Variants in CTNNBL1 observed in about 807,000 individuals in gnomAD.
CTNNBL1 encodes catenin beta like 1.
A neutral mutation model predicts 72.7 loss-of-function variants in CTNNBL1; 31 were observed. The ratio of observed to expected loss-of-function variants is 0.43; its 90% CI spans 0.32 to 0.58. CTNNBL1 has a LOEUF of 0.58. Among genes scored for constraint, CTNNBL1 ranks in the 20% least tolerant of loss-of-function variants. CTNNBL1 has a pLI of 0.08. For synonymous variants in CTNNBL1, 240 were observed against 267.3 expected, an observed-to-expected ratio of 0.90 and a Z score of 1.00; for missense variants, 534 against 725.1, an observed-to-expected ratio of 0.74 and a Z score of 3.03.
chr20:37,697,300 C>G (rs933180245), intron 1 of CTNNBL1, among the ~76,000 whole-genome samples: 1 of 152,134 alleles, frequency 6.6e-6, no homozygotes, highest in African/African-American at 2.4e-5. Flanking sequence ...GGGACAGGAC[C>G]TTTTACTTTA....
chr20:37,851,112 A>G (rs1334323329), intron 13 of CTNNBL1, among the ~76,000 whole-genome samples: 1 of 152,230 alleles, frequency 6.6e-6, no homozygotes, highest in African/African-American at 2.4e-5. Context: ...CCCTGCGGAA[A>G]TGGCACCTTG....
At chr20:37,867,997 C>T (rs755427203) in intron 15 of CTNNBL1, among the ~76,000 whole-genome samples, 2 of 152,122 alleles carry the variant, frequency 1.3e-5, no homozygotes, top group Non-Finnish European at 2.9e-5. Flanking sequence ...GCTCCGTGGC[C>T]GGCTCACTGT....
intron 1 of CTNNBL1, among the ~76,000 whole-genome samples, chr20:37,696,860 A>T (rs953877148): frequency 2.3e-4 from 35 of 152,144 alleles, no homozygotes; most frequent in African/African-American, 5.8e-4. Context: ...GTTGCTTTTT[A>T]AAAAACTTTT....
chr20:37,772,439 C>T (rs923318600), intron 7 of CTNNBL1, among the ~76,000 whole-genome samples: 9 of 152,206 alleles, frequency 5.9e-5, no homozygotes, highest in African/African-American at 1.9e-4. Context: ...AGCTCCGTCT[C>T]CTGGGTTCAC....
At chr20:37,828,113 T>A (rs2072176076) in intron 11 of CTNNBL1, among the ~76,000 whole-genome samples, 1 of 152,180 alleles carries the variant, frequency 6.6e-6, no homozygotes, top group Non-Finnish European at 1.5e-5. Context: ...ACCACGGTGG[T>A]TTGTTATGAT....
Position 37,853,750 on chromosome 20 carries a change from T to A in CTNNBL1, c.1393-6149T>A, listed in dbSNP as rs141546031. Among the ~76,000 whole-genome samples the A allele has an allele frequency of 2.6e-5, 4 of 152,360 alleles. No individual in the cohort carries two copies. In the East Asian group the frequency reaches 7.7e-4, roughly 29 times the overall value. ...TAGAGGACTGCCCACACTTTCTCAC[T>A]TTCTTGTTTTCCATAATCATTCTGC... On this transcript the variant is annotated intron_variant, in intron 13 of 15. Coordinates refer to ENST00000361383, the MANE Select transcript of CTNNBL1 (RefSeq NM_030877.5).
chr20:37,808,058 C>T (rs1384316446), intron 11 of CTNNBL1, among the ~76,000 whole-genome samples: 2 of 152,158 alleles, frequency 1.3e-5, no homozygotes, highest in Non-Finnish European at 2.9e-5. Context: ...TAACACAGTT[C>T]CCCTGGAGGC....
intron 11 of CTNNBL1, among the ~76,000 whole-genome samples, chr20:37,822,254 GAGA>G (rs1168871234): frequency 1.3e-5 from 2 of 152,190 alleles, no homozygotes; most frequent in African/African-American, 4.8e-5. Flanking sequence ...TCCCTGAACA[GAGA>G]AGATGACATG....
At chr20:37,823,471 T>TC (rs1229833186) in intron 11 of CTNNBL1, among the ~76,000 whole-genome samples, 2 of 152,164 alleles carry the variant, frequency 1.3e-5, no homozygotes, top group Non-Finnish European at 2.9e-5. Flanking sequence ...TGTGTGGAGC[T>TC]CAACAGTTGG....
chr20:37,859,129 C>T (rs1480249905), intron 13 of CTNNBL1, among the ~76,000 whole-genome samples: 1 of 152,134 alleles, frequency 6.6e-6, no homozygotes. Flanking sequence ...AATCCTAGCA[C>T]TTTGGGAGGC....
At chr20:37,713,063 TTA>T (rs1346669167) in intron 1 of CTNNBL1, among the ~76,000 whole-genome samples, 1 of 152,252 alleles carries the variant, frequency 6.6e-6, no homozygotes, top group Non-Finnish European at 1.5e-5. Context: ...CTGGGGATCC[TTA>T]CACCTCACTC....
At chr20:37,787,013 A>G (rs6067609) in intron 10 of CTNNBL1, among the ~76,000 whole-genome samples, 3 of 152,278 alleles carry the variant, frequency 2.0e-5, no homozygotes, top group Admixed American at 2.0e-4. Context: ...TCAACTTTGT[A>G]AACATATTCC....
At chr20:37,772,250 A>G (rs1472099313) in intron 7 of CTNNBL1, among the ~76,000 whole-genome samples, 2 of 152,208 alleles carry the variant, frequency 1.3e-5, no homozygotes, top group African/African-American at 4.8e-5. Flanking sequence ...GAGCATCAGC[A>G]TCACCTAGTG....
At chr20:37,712,978 T>C (rs1480736334) in intron 1 of CTNNBL1, among the ~76,000 whole-genome samples, 1 of 152,200 alleles carries the variant, frequency 6.6e-6, no homozygotes, top group Non-Finnish European at 1.5e-5. Context: ...GCAGTTTTTA[T>C]AAGATTTTAG....
intron 11 of CTNNBL1, among the ~76,000 whole-genome samples, chr20:37,819,032 T>G (rs962246451): frequency 6.6e-6 from 1 of 152,212 alleles, no homozygotes; most frequent in Non-Finnish European, 1.5e-5. Flanking sequence ...ATTTCATCTT[T>G]GCGTCATTTC....
intron 7 of CTNNBL1, among the ~76,000 whole-genome samples, chr20:37,772,567 A>T (rs113959874): frequency 6.6e-6 from 1 of 152,006 alleles, no homozygotes; most frequent in African/African-American, 2.4e-5. Context: ...CCAGGATGGT[A>T]TCGATCTCCT....
intron 3 of CTNNBL1, among the ~76,000 whole-genome samples, chr20:37,740,483 A>G (rs1010789071): frequency 5.3e-5 from 8 of 152,156 alleles, no homozygotes; most frequent in East Asian, 1.9e-4. Context: ...GCACCCTCCA[A>G]TTTGCACTGC....
chr20:37,699,709 C>T (rs2072823862), intron 1 of CTNNBL1, among the ~76,000 whole-genome samples: 1 of 152,196 alleles, frequency 6.6e-6, no homozygotes, highest in Admixed American at 6.5e-5. Context: ...ATCCCCATCC[C>T]TAGAGTTTGA....
chr20:37,725,770 G>A (rs2073079405), intron 1 of CTNNBL1, among the ~76,000 whole-genome samples: 1 of 151,772 alleles, frequency 6.6e-6, no homozygotes, highest in Admixed American at 6.6e-5. Context: ...GATCATTTGA[G>A]GTCAGATGTT....
Sources: gnomAD v4.1 joint callset for allele counts (sites outside exome capture counted in the v4.1 genomes callset) on GRCh38, gnomAD v4.1.1 for gene constraint, MANE v1.5 for transcripts, NCBI Gene and HGNC (gene_info 2026-07-23, HGNC 2026-07-21) for gene names.